The following CPQ variants were observed in gnomAD, a reference collection of about 807,000 sequenced individuals.
The protein encoded by CPQ is Ser-Met dipeptidase.
In CPQ, 37 loss-of-function variants were observed where a neutral mutation model predicts 45.7. The ratio of observed to expected loss-of-function variants is 0.81; its 90% confidence interval spans 0.62 to 1.07. CPQ has a LOEUF of 1.07. Ranked by LOEUF, CPQ falls within the 50% of genes least tolerant of loss-of-function variation. CPQ has a pLI of 0.00. For missense variants in CPQ, 537 were observed against 572.9 expected, an observed-to-expected ratio of 0.94 and a Z score of 0.64; for synonymous variants, 186 against 205.8, an observed-to-expected ratio of 0.90 and a Z score of 0.82.
At chr8:97,122,769 C>T (rs1295674093) in intron 7 of CPQ, among the ~76,000 whole-genome samples, 1 of 150,872 alleles carries the variant, frequency 6.6e-6, no homozygotes, top group Non-Finnish European at 1.5e-5. Context: ...CCTGTAATCC[C>T]AGCTTCTCAG....
chr8:96,732,639 A>G (rs1809926864), intron 1 of CPQ, among the ~76,000 whole-genome samples: 1 of 152,094 alleles, frequency 6.6e-6, no homozygotes, highest in South Asian at 2.1e-4. Flanking sequence ...AAAATGTTAA[A>G]GATGCTTATT....
intron 5 of CPQ, among the ~76,000 whole-genome samples, chr8:96,994,566 G>C (rs565057923): frequency 6.6e-6 from 1 of 152,118 alleles, no homozygotes; most frequent in African/African-American, 2.4e-5. Flanking sequence ...CCTGCTGGCA[G>C]AGATTCTAAG....
intron 6 of CPQ, among the ~76,000 whole-genome samples, chr8:97,041,849 T>C (rs1394993156): frequency 6.6e-6 from 1 of 152,226 alleles, no homozygotes; most frequent in East Asian, 1.9e-4. Flanking sequence ...TTGATCATGG[T>C]GGATAAGCTT....
Position 96,868,788 on chromosome 8 carries a change from T to A in CPQ, c.642-11010T>A, listed in dbSNP as rs577164243. Among the ~76,000 whole-genome samples, 39 of 152,114 alleles carry A rather than the reference T, an allele frequency of 2.6e-4. No homozygotes were observed. In the South Asian group the frequency reaches 7.9e-3, roughly 31 times the overall value. ...TACAACTTGACATTTTCTATATATA[T>A]AAAAATTTTCATGTTTTTCCTACAC... On this transcript the variant is annotated intron_variant, in intron 3 of 7. Coordinates refer to ENST00000220763, the MANE Select transcript of CPQ (RefSeq NM_016134.4).
chr8:96,958,308 T>G (rs1423109694), intron 4 of CPQ, among the ~76,000 whole-genome samples: 1 of 152,206 alleles, frequency 6.6e-6, no homozygotes, highest in Non-Finnish European at 1.5e-5. Context: ...AAACTCTCTG[T>G]GTCTTTTCCC....
chr8:96,955,520 CTACTT>C (rs1183895664), intron 4 of CPQ, among the ~76,000 whole-genome samples: 1 of 152,142 alleles, frequency 6.6e-6, no homozygotes, highest in Admixed American at 6.5e-5. Flanking sequence ...TTGGAAAAAA[CTACTT>C]TAAAGTTCAT....
chr8:96,830,697 C>G (rs1409262562), intron 2 of CPQ, among the ~76,000 whole-genome samples: 3 of 152,042 alleles, frequency 2.0e-5, no homozygotes, highest in African/African-American at 7.2e-5. Flanking sequence ...GGATGAAACA[C>G]CCCTCCCAAC....
chr8:97,038,819 T>A, intron 6 of CPQ, among the ~76,000 whole-genome samples: 1 of 87,266 alleles, frequency 1.1e-5, no homozygotes, highest in Non-Finnish European at 2.3e-5. Context: ...AAAAAAACCG[T>A]ATTTACAAAA....
chr8:97,113,569 A>G (rs1462909924), intron 7 of CPQ, among the ~76,000 whole-genome samples: 1 of 152,202 alleles, frequency 6.6e-6, no homozygotes, highest in Non-Finnish European at 1.5e-5. Context: ...TGGTGGAGGC[A>G]GCATAGTGAG....
intron 1 of CPQ, among the ~76,000 whole-genome samples, chr8:96,723,370 A>G (rs1423489686): frequency 1.3e-5 from 2 of 152,220 alleles, no homozygotes; most frequent in Non-Finnish European, 2.9e-5. Flanking sequence ...AAACACTTAC[A>G]TGGAGACTGA....
intron 1 of CPQ, among the ~76,000 whole-genome samples, chr8:96,777,595 A>G (rs1810620596): frequency 6.6e-6 from 1 of 151,510 alleles, no homozygotes; most frequent in Admixed American, 6.6e-5. Context: ...TTTCACACTG[A>G]AGTAAACAAG....
At chr8:97,027,082 A>G (rs1809816216) in intron 5 of CPQ, among the ~76,000 whole-genome samples, 1 of 152,212 alleles carries the variant, frequency 6.6e-6, no homozygotes, top group South Asian at 2.1e-4. Context: ...TGCAGCCTAT[A>G]AACAATAATA....
chr8:97,066,165 G>A lies in CPQ; in HGVS notation c.1210G>A (p.Gly404Arg). 1 of 1,611,574 alleles carries A rather than the reference G, an allele frequency of 6.2e-7. No homozygotes were observed. Residue 404 changes from glycine (G) to arginine (R), a missense_variant, in exon 7 of 8, where the codon GGA becomes AGA. Physicochemically the swap from Gly to Arg is moderately radical, Grantham distance 125 (BLOSUM62 -2). Coordinates refer to ENST00000220763, the MANE Select transcript of CPQ (RefSeq NM_016134.4). ...CAATATCACTCAGGTCCTGAGCCAT[G>A]GAGAAGGGACAGACATCAACTTTTG... ...PLNITQVLSH[G>R]EGTDINFWIQ... is the part of the protein sequence containing the mutation.
chr8:96,756,581 C>T (rs934921917), intron 1 of CPQ, among the ~76,000 whole-genome samples: 1 of 152,070 alleles, frequency 6.6e-6, no homozygotes, highest in Non-Finnish European at 1.5e-5. Flanking sequence ...GGAGAATTTT[C>T]TAAAGGTCAA....
At chr8:97,057,813 A>T (rs922552760) in intron 6 of CPQ, among the ~76,000 whole-genome samples, 1 of 152,172 alleles carries the variant, frequency 6.6e-6, no homozygotes, top group Admixed American at 6.6e-5. Context: ...AGGCATTTAA[A>T]AAAAATTGAA....
intron 1 of CPQ, among the ~76,000 whole-genome samples, chr8:96,764,133 A>T (rs144916245): frequency 1.4e-3 from 208 of 152,300 alleles, no homozygotes; most frequent in Middle Eastern, 0.01. Context: ...AAGCAACCCA[A>T]ATCTCCATCA....
chr8:97,072,488 C>T lies in CPQ; in HGVS notation c.1255+6278C>T, dbSNP rs575198303. 7.9e-5 allele frequency among the ~76,000 whole-genome samples: 12 copies of T among 152,116 alleles called. No individual in the cohort carries two copies. In the South Asian group the frequency reaches 8.3e-4, roughly 11 times the overall value. On this transcript the variant is annotated intron_variant, in intron 7 of 7. Transcript: ENST00000220763. The stretch of plus-strand genomic sequence containing the variant: ...ACGTATGGAAACAAACAAATGAAAA[C>T]GGTAATTTAAAAAAAAGAAATCGGG...
chr8:96,940,439 G>A (rs777011957), intron 4 of CPQ, among the ~76,000 whole-genome samples: 1 of 152,124 alleles, frequency 6.6e-6, no homozygotes, highest in Non-Finnish European at 1.5e-5. Context: ...GCTCCATCTT[G>A]CTCTCCCTCT....
intron 4 of CPQ, among the ~76,000 whole-genome samples, chr8:96,932,505 C>T (rs1412381263): frequency 6.6e-6 from 1 of 152,122 alleles, no homozygotes; most frequent in Non-Finnish European, 1.5e-5. Flanking sequence ...ATTATACGAA[C>T]TAGAGTTCGT....
Sources: allele counts gnomAD v4.1 joint callset (sites outside exome capture counted in the v4.1 genomes callset), GRCh38; gene constraint gnomAD v4.1.1; transcripts MANE v1.5; gene names NCBI Gene and HGNC (gene_info 2026-07-23, HGNC 2026-07-21).